Variants in XRCC3 observed in about 807,000 individuals in gnomAD.
XRCC3 encodes DNA repair protein XRCC3.
XRCC3 carries 34 observed loss-of-function variants against 29.2 expected under a neutral mutation model. The observed-to-expected ratio is 1.16, with a 90% CI of 0.88 to 1.55. The LOEUF is 1.55. XRCC3 is among the 40% of genes most tolerant of loss of function. The pLI, the probability that XRCC3 is intolerant of heterozygous loss-of-function variation, is 0.00. For missense variants in XRCC3, 463 were observed against 467.6 expected, an observed-to-expected ratio of 0.99 and a Z score of 0.09; for synonymous variants, 223 against 211.3, an observed-to-expected ratio of 1.06 and a Z score of -0.48.
In XRCC3 at chr14:103,698,956, T is replaced by C; in HGVS notation, c.883A>G (p.Arg295Gly). 1.2e-6 allele frequency: 2 copies of C among 1,601,182 alleles called. No individual in the cohort carries two copies. The highest frequency in any genetic ancestry group is 1.7e-6 in the Non-Finnish European group (2 of 1,174,120). The change falls in exon 10 of 10, where the codon AGA becomes GGA. Residue 295 changes from arginine to glycine, a missense_variant. Transcript: ENST00000555055. ...TCGCGGAGCCGGTCAGCCAGCAGTCTCACCAGGAGCTGGTTAGCCCAGGTT... is the reference window on the plus strand; with the variant it reads ...TCGCGGAGCCGGTCAGCCAGCAGTCCCACCAGGAGCTGGTTAGCCCAGGTT... ...GITWANQLLV[R>G]LLADRLREEE...
At position 103,698,547 on chromosome 14, in the gene XRCC3, G is replaced by T. The variant is rs1440045059; in HGVS notation, c.*251C>A. On this transcript the variant is annotated 3_prime_UTR_variant, in exon 10 of 10. Transcript: ENST00000555055. ...TCACCTCTCCCCAAGGGCCAGCTCAGCAGTGGGGACCAGGTACCCAGCAAG... is the reference window on the plus strand; with the variant it reads ...TCACCTCTCCCCAAGGGCCAGCTCATCAGTGGGGACCAGGTACCCAGCAAG... 2 of 552,776 alleles carry T rather than the reference G, an allele frequency of 3.6e-6. No homozygotes were observed. The highest frequency in any genetic ancestry group is 6.5e-6 in the Non-Finnish European group (2 of 306,384). 34.2% of individuals were successfully genotyped at this position (552,776 alleles called of 1,614,324 possible).
chr14:103,698,976 CAG>C lies in XRCC3; in HGVS notation c.861_862del (p.Trp288GlyfsTer2). The C allele has an allele frequency of 6.3e-7, 1 of 1,598,662 alleles. No individual in the cohort carries two copies. Among genetic ancestry groups the C allele is most frequent in the Non-Finnish European group, 8.5e-7 (1 of 1,172,736 alleles). ...CAGTCTCACCAGGAGCTGGTTAGCCCAGGTTATGCCAAGGGCTGGGGAAACAC... is the reference window on the plus strand; with the variant it reads ...CAGTCTCACCAGGAGCTGGTTAGCCCGTTATGCCAAGGGCTGGGGAAACAC... On this transcript the variant is annotated frameshift_variant, in exon 10 of 10. Transcript: ENST00000555055. LOFTEE classifies it low-confidence loss of function (END_TRUNC).
rs775425367 is a variant in XRCC3 at position 103,699,006 on chromosome 14, T to C, written c.833A>G (p.Glu278Gly). Residue 278 changes from glutamate (E) to glycine (G), a missense_variant, in exon 10 of 10, where the codon GAA becomes GGA. Transcript: ENST00000555055. ...TATGCCAAGGGCTGGGGAAACACGTTCGTCCCAGAACCTGAGAAACAGGAA... is the reference window on the plus strand; with the variant it reads ...TATGCCAAGGGCTGGGGAAACACGTCCGTCCCAGAACCTGAGAAACAGGAA... Reference protein sequence around the residue: ...AAHGPLGFWDERVSPALGITW... With the variant: ...AAHGPLGFWDGRVSPALGITW... The C allele has an allele frequency of 6.3e-7, 1 of 1,589,500 alleles. No homozygotes were observed. Among genetic ancestry groups the C allele is most frequent in the South Asian group, 1.1e-5 (1 of 87,902 alleles).
chr14:103,709,180 G>A (rs2083542164), intron 4 of XRCC3: 1 of 261,450 alleles, frequency 3.8e-6, no homozygotes. Context: ...GCGCAGGGCA[G>A]TCAGGGCAGG....
rs2151930785 is a variant in XRCC3 at position 103,703,173 on chromosome 14, C to T, written c.561G>A (p.Val187=). The change falls in exon 7 of 10, where the codon GTG becomes GTA. Residue 187 remains valine, a splice_region_variant and synonymous_variant. Transcript: ENST00000555055. ...GTCATGGGGCTTCTCCCACACTCAC[C>T]ACATCGGCCACGTGCTCGATGAAGA... ...SQIFIEHVAD[V]DTLLECVNKK... is the part of the protein sequence containing the mutation. The T allele has an allele frequency of 6.4e-7, 1 of 1,567,590 alleles. No individual in the cohort carries two copies.
At chr14:103,710,734 C>A in intron 4 of XRCC3, 1 of 356,910 alleles carries the variant, frequency 2.8e-6, no homozygotes, top group Non-Finnish European at 5.2e-6. Context: ...AGAGCGAGAC[C>A]CCGTCTCCAA....
Position 103,699,089 on chromosome 14 carries a change from CT to C in XRCC3, c.821+43del, listed in dbSNP as rs45565335. ...CGCCCACTTCGGCCCAGCTGTGCCC[CT>C]GGCACCTGCACAGAGGTGCACACAC... is the stretch of plus-strand genomic sequence containing the variant. On this transcript the variant is annotated intron_variant, in intron 9 of 9. Coordinates refer to ENST00000555055, the MANE Select transcript of XRCC3 (RefSeq NM_005432.4). 12 of 1,565,446 alleles carry C rather than the reference CT, an allele frequency of 7.7e-6. No individual in the cohort carries two copies. The Admixed American group carries it at 9.3e-5, about 12-fold the overall frequency.
rs1032911157 is a variant in XRCC3, at chr14:103,707,138, C to T, written c.271G>A (p.Ala91Thr). The T allele has an allele frequency of 2.1e-5, 32 of 1,549,454 alleles. No homozygotes were observed. Among genetic ancestry groups the T allele is most frequent in the East Asian group, 4.9e-5 (2 of 40,940 alleles). The change falls in exon 6 of 10, where the codon GCG becomes ACG. Residue 91 changes from alanine (A) to threonine (T), a missense_variant. Ala to Thr is a moderately conservative substitution (Grantham distance 58, BLOSUM62 0). Transcript: ENST00000555055. ...RLSLGCPVLD[A>T]LLRGGLPLDG... ...AGGGGCAGGCCACCGCGGAGCAGCG[C>T]GTCCAGCACCGGGCAGCCCAGGCTC... is the stretch of plus-strand genomic sequence containing the variant.
At chr14:103,715,118 G>C (rs1486981472) in intron 1 of XRCC3, among the ~76,000 whole-genome samples, 1 of 152,180 alleles carries the variant, frequency 6.6e-6, no homozygotes, top group Non-Finnish European at 1.5e-5. Flanking sequence ...GGCCCACCTC[G>C]GCCTCCCCTG....
intron 7 of XRCC3, 27 bp downstream of exon 7, chr14:103,703,146 G>A (rs1188720394): frequency 6.4e-7 from 1 of 1,557,830 alleles, no homozygotes; most frequent in East Asian, 2.4e-5. Context: ...TGCCTTGGGG[G>A]TGTCATGGGG....
At chr14:103,702,794 A>G (rs2083277674) in intron 7 of XRCC3, 1 of 290,712 alleles carries the variant, frequency 3.4e-6, no homozygotes, top group Non-Finnish European at 6.8e-6. Flanking sequence ...GCACGTCCTC[A>G]TGAAATCCAG....
intron 7 of XRCC3, chr14:103,700,513 G>T (rs1292285699): frequency 9.9e-6 from 6 of 607,756 alleles, no homozygotes; most frequent in Non-Finnish European, 1.7e-5. Flanking sequence ...GCTCTGGCCA[G>T]ATGGAGGCTG....
At chr14:103,700,798 C>T (rs1003837046) in intron 7 of XRCC3, 5 of 1,211,386 alleles carry the variant, frequency 4.1e-6, no homozygotes, top group Non-Finnish European at 4.6e-6. Context: ...CATGCAGGGA[C>T]TGGGGGGAGC....
Position 103,703,315 on chromosome 14 carries a change from A to T in XRCC3, c.419T>A (p.Ile140Asn). The change falls in exon 7 of 10, where the codon ATC becomes AAC. Residue 140 changes from isoleucine (I) to asparagine (N), a missense_variant. Transcript: ENST00000555055. The stretch of plus-strand genomic sequence containing the variant: ...GTGCGGGAAGGCGTCTTCCGTGCAG[A>T]TGTAGACGGCTCCTGGGAAGCAAGA... Reference protein sequence around the residue: ...HGGLEAGAVYICTEDAFPHKR... With the variant: ...HGGLEAGAVYNCTEDAFPHKR... The T allele has an allele frequency of 6.4e-7, 1 of 1,551,706 alleles. No homozygotes were observed. The highest frequency in any genetic ancestry group is 8.7e-7 in the Non-Finnish European group (1 of 1,151,530).
chr14:103,700,587 G>T lies in XRCC3; in HGVS notation c.562-1011C>A, dbSNP rs1005724076. ...GCAGCCACACGCTGGTGTCACGCCC[G>T]GAGCTCTGAAGACGCCTGAGGGCCG... On this transcript the variant is annotated intron_variant, in intron 7 of 9. Coordinates refer to ENST00000555055, the MANE Select transcript of XRCC3 (RefSeq NM_005432.4). 3.1e-6 allele frequency: 4 copies of T among 1,305,712 alleles called. No homozygotes were observed. In the Admixed American group the frequency reaches 5.6e-5, roughly 18 times the overall value. The allele number at this position is 1,305,712 out of a possible 1,614,324, so 80.9% of individuals were successfully genotyped here.
At chr14:103,700,298 G>C (rs1439480334) in intron 7 of XRCC3, 1 of 251,424 alleles carries the variant, frequency 4.0e-6, no homozygotes, top group Admixed American at 5.3e-5. Context: ...TCCCAGGAGA[G>C]CTTCCAGGGG....
At position 103,698,817 on chromosome 14, in the gene XRCC3, G is replaced by C; in HGVS notation, c.1022C>G (p.Pro341Arg). 6.2e-7 allele frequency: 1 copy of C among 1,602,146 alleles called. No homozygotes were observed. The change falls in exon 10 of 10, where the codon CCT (proline) becomes CGT (arginine). Residue 341 changes from proline to arginine, a missense_variant. Pro to Arg is a moderately radical substitution (Grantham distance 103, BLOSUM62 -2). Transcript: ENST00000555055. ...TISAEGVRGT[P>R]GTQSH The stretch of plus-strand genomic sequence containing the variant: ...ACCGTGTCAGTGGGACTGGGTCCCA[G>C]GTGTCCCTCGCACCCCTTCGGCACT...
At chr14:103,706,596 G>A (rs557775785) in intron 6 of XRCC3, 5 of 375,008 alleles carry the variant, frequency 1.3e-5, no homozygotes, top group Non-Finnish European at 2.6e-5. Context: ...CAGGCTCACG[G>A]GGCCGCGCCA....
chr14:103,701,583 G>C (rs3212095), intron 7 of XRCC3: 6 of 193,904 alleles, frequency 3.1e-5, no homozygotes, highest in Non-Finnish European at 6.3e-5. Flanking sequence ...TCTTAGAAGT[G>C]GGGGAAGGCT....
Sources: allele counts gnomAD v4.1 joint callset (sites outside exome capture counted in the v4.1 genomes callset), GRCh38; gene constraint gnomAD v4.1.1; transcripts MANE v1.5; gene names NCBI Gene and HGNC (gene_info 2026-07-23, HGNC 2026-07-21).